GCN1: variants seen among roughly 807,000 people sequenced by gnomAD.
The protein encoded by GCN1 is stalled ribosome sensor GCN1.
In GCN1, 90 loss-of-function variants were observed where a neutral mutation model predicts 288.4. The observed-to-expected ratio is 0.31, with a 90% CI of 0.26 to 0.37. GCN1 has a LOEUF of 0.37. GCN1 is among the 10% of genes least tolerant of loss of function. GCN1 has a pLI of 1.00. For synonymous variants in GCN1, 1,386 were observed against 1,420.2 expected, an observed-to-expected ratio of 0.98 and a Z score of 0.54; for missense variants, 2,586 against 3,419.9, an observed-to-expected ratio of 0.76 and a Z score of 6.08.
chr12:120,131,006 GA>G (rs1424993927), intron 55 of GCN1, among the ~76,000 whole-genome samples, 178 bp downstream of exon 55: 5 of 152,206 alleles, frequency 3.3e-5, no homozygotes, highest in Non-Finnish European at 7.3e-5. Context: ...TTGTTTAGAT[GA>G]TGAAACTGGG....
chr12:120,150,074 A>G, intron 34 of GCN1, 31 bp from the exon 35 acceptor site: 3 of 1,611,402 alleles, frequency 1.9e-6, no homozygotes, highest in Non-Finnish European at 2.5e-6. Context: ...ACGGCTGGGA[A>G]GAGAATGTCC....
In GCN1 at chr12:120,134,411, G is replaced by A; in HGVS notation, c.7203-6C>T. The A allele has an allele frequency of 6.2e-7, 1 of 1,610,374 alleles. No individual in the cohort carries two copies. The highest frequency in any genetic ancestry group is 1.1e-5 in the South Asian group (1 of 91,010). ...GGGCCTGCAGCATGGTGTCCCTGCA[G>A]AAGCAATGCACCGCCTTAAGCCCTG... On this transcript the variant is annotated splice_polypyrimidine_tract_variant and splice_region_variant and intron_variant, in intron 52 of 57. Transcript: ENST00000300648. This position sits in a 1 kb window ranked among gnomAD's most constrained non-coding sequence, Gnocchi z 5.0.
chr12:120,130,563 G>T, intron 56 of GCN1, 83 bp downstream of exon 56: 1 of 864,718 alleles, frequency 1.2e-6, no homozygotes, highest in Non-Finnish European at 2.0e-6. Context: ...CTAGTTGAGG[G>T]CGCACTGCTG....
intron 1 of GCN1, among the ~76,000 whole-genome samples, 195 bp downstream of exon 1, chr12:120,194,485 C>G (rs931633750): frequency 3.3e-5 from 5 of 152,250 alleles, no homozygotes; most frequent in Admixed American, 3.3e-4. Flanking sequence ...TCCTCGAGCC[C>G]GCGGTCTGCC....
chr12:120,177,225 C>G (rs1469326315), intron 9 of GCN1, among the ~76,000 whole-genome samples: 1 of 152,034 alleles, frequency 6.6e-6, no homozygotes, highest in South Asian at 2.1e-4. Context: ...TGCCCACTGC[C>G]GCCTCCCAAA....
chr12:120,138,716 G>C lies in GCN1; in HGVS notation c.6135C>G (p.Leu2045=). Residue 2045 remains leucine (L), a synonymous_variant, in exon 46 of 58, where the codon CTC becomes CTG. Transcript: ENST00000300648. The part of the protein sequence containing the change: ...TIGHQALEDI[L]PFLLKQLDDE... ...TCACCAGCTGCTTTAGTAAAAATGGGAGAATGTCCTCCAGAGCCTGGTGGC... is the reference window on the plus strand; with the variant it reads ...TCACCAGCTGCTTTAGTAAAAATGGCAGAATGTCCTCCAGAGCCTGGTGGC... 6.2e-7 allele frequency: 1 copy of C among 1,614,098 alleles called. No homozygotes were observed. The highest frequency in any genetic ancestry group is 8.5e-7 in the Non-Finnish European group (1 of 1,179,928).
rs369709925 is a variant in GCN1 at position 120,131,322 on chromosome 12, C to T, written c.7426G>A (p.Gly2476Ser). Residue 2476 changes from glycine to serine, a missense_variant, in exon 55 of 58, where the codon GGC becomes AGC. By Grantham distance (56) the Gly-to-Ser change is moderately conservative (BLOSUM62 0). Coordinates refer to ENST00000300648, the MANE Select transcript of GCN1 (RefSeq NM_006836.2). ...LQQCLLADVS[G>S]IDWMVRHGRS... ...CCGTGCCGAACCATCCAGTCAATGC[C>T]GGACACGTCCGCTGGGTGGAAGGAC... 19 of 1,613,834 alleles carry T rather than the reference C, an allele frequency of 1.2e-5. No homozygotes were observed. In the African/African-American group the frequency reaches 1.2e-4, roughly 10 times the overall value.
At chr12:120,150,395 GACC>G (rs970410724) in intron 34 of GCN1, among the ~76,000 whole-genome samples, 7 of 151,562 alleles carry the variant, frequency 4.6e-5, no homozygotes, top group Non-Finnish European at 7.4e-5. Flanking sequence ...AGGAAATAGA[GACC>G]ATCTTGGCCA....
intron 26 of GCN1, 29 bp from the exon 27 acceptor site, chr12:120,157,021 T>C (rs749634602): frequency 1.3e-6 from 2 of 1,533,380 alleles, no homozygotes; most frequent in Admixed American, 1.7e-5. Flanking sequence ...TAAGTCGAGA[T>C]GAGGCTGTGG....
At chr12:120,181,340 C>T (rs941821214) in intron 5 of GCN1, among the ~76,000 whole-genome samples, 33 of 151,746 alleles carry the variant, frequency 2.2e-4, no homozygotes, top group Admixed American at 2.2e-3. Context: ...ACCAGCATGC[C>T]TGTAGTCCCA....
rs1160433359 is a variant in GCN1, at chr12:120,137,486, G to A, written c.6663+59C>T. 6.4e-7 allele frequency: 1 copy of A among 1,572,356 alleles called. No homozygotes were observed. The highest frequency in any genetic ancestry group is 8.7e-7 in the Non-Finnish European group (1 of 1,145,960). Reference sequence around the variant, plus strand: ...GGGGGATTCTTATAAGTCTATTCCTGTAAATGTCTGGAATTTTCTAAAAGC... The same window carrying A: ...GGGGGATTCTTATAAGTCTATTCCTATAAATGTCTGGAATTTTCTAAAAGC... On this transcript the variant is annotated intron_variant, in intron 49 of 57. Coordinates refer to ENST00000300648, the MANE Select transcript of GCN1 (RefSeq NM_006836.2). The surrounding 1 kb of genome is among the most constrained non-coding windows in gnomAD (Gnocchi z 5.2).
rs771058175 is a variant in GCN1 at position 120,136,739 on chromosome 12, A to G, written c.6778-7T>C. 4.8e-5 allele frequency: 77 copies of G among 1,605,662 alleles called. No homozygotes were observed. The highest frequency in any genetic ancestry group is 1.3e-4 in the Admixed American group (8 of 59,946). ...GAAGGATGGAGGTCACTCCCTGACA[A>G]GAGAACCACAACTGAGAGTCAAATC... On this transcript the variant is annotated splice_polypyrimidine_tract_variant and splice_region_variant and intron_variant, in intron 50 of 57. Coordinates refer to ENST00000300648, the MANE Select transcript of GCN1 (RefSeq NM_006836.2).
Position 120,176,203 on chromosome 12 carries a change from G to C in GCN1, c.853C>G (p.Leu285Val), listed in dbSNP as rs1198748303. 2.5e-6 allele frequency: 4 copies of C among 1,608,032 alleles called. No homozygotes were observed. The highest frequency in any genetic ancestry group is 3.3e-5 in the Admixed American group (2 of 59,988). Residue 285 changes from leucine to valine, a missense_variant, in exon 10 of 58, where the codon CTG (leucine) becomes GTG (valine). Around this residue, in one of 8 missense-constraint regions of GCN1, gnomAD observed 913 missense variants for 1,107.0 expected, o/e 0.82. Coordinates refer to ENST00000300648, the MANE Select transcript of GCN1 (RefSeq NM_006836.2). Reference protein sequence around the residue: ...ENVIETISSLLASVTLDLSQY... With the variant: ...ENVIETISSLVASVTLDLSQY... ...CTGAGGTCAAGCGTCACTGATGCCAGCAGACTAGAAATAGCTAAGGGGGAC... is the reference window on the plus strand; with the variant it reads ...CTGAGGTCAAGCGTCACTGATGCCACCAGACTAGAAATAGCTAAGGGGGAC...
At chr12:120,187,441 C>T (rs890565312) in intron 2 of GCN1, among the ~76,000 whole-genome samples, 30 of 152,050 alleles carry the variant, frequency 2.0e-4, no homozygotes, top group Admixed American at 1.1e-3. Flanking sequence ...GTCTTGAACT[C>T]CTGACCTCAG....
Position 120,138,697 on chromosome 12 carries a change from G to A in GCN1, c.6154C>T (p.Leu2052=). ...EDILPFLLKQ[L]DDEEVSEFAL... The stretch of plus-strand genomic sequence containing the variant: ...AGGTGTGTGGTAGATCCACTCACCA[G>A]CTGCTTTAGTAAAAATGGGAGAATG... The change falls in exon 46 of 58, where the codon CTG becomes TTG. Residue 2052 remains leucine (L), a splice_region_variant and synonymous_variant. Transcript: ENST00000300648. 6.2e-7 allele frequency: 1 copy of A among 1,613,070 alleles called. No individual in the cohort carries two copies. The highest frequency in any genetic ancestry group is 8.5e-7 in the Non-Finnish European group (1 of 1,179,198).
At chr12:120,143,977 G>A (rs563444817) in intron 42 of GCN1, among the ~76,000 whole-genome samples, 2 of 152,108 alleles carry the variant, frequency 1.3e-5, no homozygotes, top group African/African-American at 4.8e-5. Context: ...CAACCCTTTG[G>A]ATCTTTTTTT....
chr12:120,188,389 G>A (rs1878888805), intron 2 of GCN1, among the ~76,000 whole-genome samples: 2 of 145,566 alleles, frequency 1.4e-5, no homozygotes, highest in African/African-American at 2.5e-5. Context: ...AGCAGAGGTC[G>A]CGCCACAGCA....
Position 120,142,429 on chromosome 12 carries a change from G to C in GCN1, c.5829+78C>G. 1 of 1,013,876 alleles carries C rather than the reference G, an allele frequency of 9.9e-7. No homozygotes were observed. Among genetic ancestry groups the C allele is most frequent in the Non-Finnish European group, 1.6e-6 (1 of 640,946 alleles). The allele number at this position is 1,013,876 out of a possible 1,614,324, so 62.8% of individuals were successfully genotyped here. A position where few individuals can be genotyped will look rare whatever the true frequency, so the allele number is the denominator to read the frequency against. On this transcript the variant is annotated intron_variant, in intron 44 of 57. Transcript: ENST00000300648. This position sits in a 1 kb window ranked among gnomAD's most constrained non-coding sequence, Gnocchi z 4.9. The stretch of plus-strand genomic sequence containing the variant: ...GCAGGGTGGATGGGTACTTTCCCAG[G>C]CTCTGCAGACCCAGCCTTCTAGGCT...
chr12:120,159,797 T>C (rs1270397719), intron 24 of GCN1, 28 bp downstream of exon 24: 1 of 1,603,918 alleles, frequency 6.2e-7, no homozygotes, highest in Admixed American at 1.7e-5. Context: ...CCCTGGGCCA[T>C]CCCTGCAGCC....
Sources: gnomAD v4.1 joint callset for allele counts (sites outside exome capture counted in the v4.1 genomes callset) on GRCh38, gnomAD v4.1.1 for gene constraint, gnomAD v4.1.1 regional missense constraint, Gnocchi (gnomAD v3.1) non-coding constraint, MANE v1.5 for transcripts, NCBI Gene and HGNC (gene_info 2026-07-23, HGNC 2026-07-21) for gene names.